ARK2C: variants seen among roughly 807,000 people sequenced by gnomAD.
The protein encoded by ARK2C is arkadia (RNF111) C-terminal like ring finger ubiquitin ligase 2C.
the ARK2C span, among the ~76,000 whole-genome samples, chr18:46,437,782 C>G: frequency 6.6e-6 from 1 of 152,226 alleles, no homozygotes; most frequent in Non-Finnish European, 1.5e-5. Context: ...TGGACTCAGT[C>G]CTGGCTTCTC....
chr18:46,390,147 C>G, the ARK2C span, among the ~76,000 whole-genome samples: 8 of 152,212 alleles, frequency 5.3e-5, no homozygotes, highest in African/African-American at 1.9e-4. Flanking sequence ...CCTCCCCACC[C>G]CAACCCCTGT....
chr18:46,431,924 A>G, the ARK2C span, among the ~76,000 whole-genome samples: 1 of 152,090 alleles, frequency 6.6e-6, no homozygotes, highest in Non-Finnish European at 1.5e-5. Flanking sequence ...TTGGTGTTCA[A>G]TTTCTCAACT....
chr18:46,448,773 G>T, the ARK2C span, among the ~76,000 whole-genome samples: 3 of 152,156 alleles, frequency 2.0e-5, no homozygotes, highest in Non-Finnish European at 4.4e-5. Flanking sequence ...TCCTGACATT[G>T]CAAGCTGCAT....
At chr18:46,435,324 G>T in the ARK2C span, 1 of 1,614,110 alleles carries the variant, frequency 6.2e-7, no homozygotes, top group Non-Finnish European at 8.5e-7. Context: ...CACCCCCACC[G>T]CCTCCATCCC....
chr18:46,409,900 A>G, the ARK2C span, among the ~76,000 whole-genome samples: 1 of 152,202 alleles, frequency 6.6e-6, no homozygotes, highest in Admixed American at 6.5e-5. Flanking sequence ...CCAGCCATAG[A>G]GCACATTTTG....
At chr18:46,415,284 G>T in the ARK2C span, among the ~76,000 whole-genome samples, 4 of 152,192 alleles carry the variant, frequency 2.6e-5, no homozygotes, top group Non-Finnish European at 5.9e-5. Flanking sequence ...ACTTTGGGAG[G>T]CCGAGGTGGG....
chr18:46,349,244 C>T, the ARK2C span, among the ~76,000 whole-genome samples: 6 of 152,066 alleles, frequency 3.9e-5, no homozygotes, highest in Non-Finnish European at 5.9e-5. Flanking sequence ...GTTTGTTTCC[C>T]GGTGTACTGG....
At chr18:46,432,374 G>C in the ARK2C span, among the ~76,000 whole-genome samples, 1 of 152,028 alleles carries the variant, frequency 6.6e-6, no homozygotes, top group East Asian at 1.9e-4. Flanking sequence ...AAACTATTTC[G>C]TGTGATCTGA....
the ARK2C span, among the ~76,000 whole-genome samples, chr18:46,342,898 T>TG: frequency 2.6e-5 from 4 of 152,172 alleles, no homozygotes; most frequent in Admixed American, 6.5e-5. Context: ...TGTTGTTTTT[T>TG]GGGGGGGAGT....
chr18:46,368,333 C>T, the ARK2C span, among the ~76,000 whole-genome samples: 1 of 152,176 alleles, frequency 6.6e-6, no homozygotes, highest in Non-Finnish European at 1.5e-5. Context: ...ACTCTTCCCC[C>T]ATTGCCTCCC....
At chr18:46,454,514 G>T in the ARK2C span, among the ~76,000 whole-genome samples, 1 of 152,222 alleles carries the variant, frequency 6.6e-6, no homozygotes, top group African/African-American at 2.4e-5. Flanking sequence ...TTGCAGTGGA[G>T]TATATAGGGC....
the ARK2C span, among the ~76,000 whole-genome samples, chr18:46,425,610 C>T: frequency 6.6e-6 from 1 of 152,164 alleles, no homozygotes; most frequent in East Asian, 1.9e-4. Flanking sequence ...CCTGAAGAAG[C>T]CTTGCTGCCT....
the ARK2C span, among the ~76,000 whole-genome samples, chr18:46,445,726 C>G: frequency 5.3e-5 from 8 of 152,280 alleles, no homozygotes; most frequent in East Asian, 1.9e-4. Context: ...CAGAGCTCAC[C>G]TCATGTGTTG....
At chr18:46,455,337 G>C in the ARK2C span, among the ~76,000 whole-genome samples, 23 of 152,264 alleles carry the variant, frequency 1.5e-4, no homozygotes, top group African/African-American at 5.3e-4. Flanking sequence ...AGGGTGTTGA[G>C]GGGGAGTGGA....
At chr18:46,416,644 A>G in the ARK2C span, among the ~76,000 whole-genome samples, 1 of 152,236 alleles carries the variant, frequency 6.6e-6, no homozygotes, top group African/African-American at 2.4e-5. Flanking sequence ...TGGGTTGGTA[A>G]TTTGGGTTGG....
At chr18:46,446,156 T>A in the ARK2C span, among the ~76,000 whole-genome samples, 12 of 152,232 alleles carry the variant, frequency 7.9e-5, no homozygotes, top group Non-Finnish European at 1.5e-4. Context: ...GGTTGTTGCT[T>A]CTTTTGTGAT....
chr18:46,343,965 G>A, the ARK2C span, among the ~76,000 whole-genome samples: 5 of 152,202 alleles, frequency 3.3e-5, no homozygotes, highest in African/African-American at 7.2e-5. Context: ...GCCACTGAGC[G>A]GGACATTCCC....
chr18:46,342,260 T>C, the ARK2C span, among the ~76,000 whole-genome samples: 6 of 152,154 alleles, frequency 3.9e-5, no homozygotes, highest in African/African-American at 1.4e-4. Context: ...TATGGCCCCC[T>C]GCACTGCCTG....
chr18:46,433,455 G>C, the ARK2C span: 1 of 1,612,862 alleles, frequency 6.2e-7, no homozygotes. Context: ...AATACCTCCT[G>C]CAGCAGCAGC....
Sources: allele counts gnomAD v4.1 joint callset (sites outside exome capture counted in the v4.1 genomes callset), GRCh38; gene constraint gnomAD v4.1.1; transcripts MANE v1.5; gene names NCBI Gene and HGNC (gene_info 2026-07-23, HGNC 2026-07-21).